EML4: variants seen among roughly 807,000 people sequenced by gnomAD.
EML4 encodes the protein EMAP like 4, also known as echinoderm microtubule-associated protein-like 4.
Under a neutral mutation model 129.0 loss-of-function variants are expected in EML4, and 72 were observed. That is an observed-to-expected ratio of 0.56 (90% confidence interval 0.46 to 0.68). EML4 has a LOEUF of 0.68. Ranked by LOEUF, EML4 falls within the 30% of genes least tolerant of loss-of-function variation. The pLI, the probability that EML4 is intolerant of heterozygous loss-of-function variation, is 0.00. For synonymous variants in EML4, 532 were observed against 405.0 expected, an observed-to-expected ratio of 1.31 and a Z score of -3.77; for missense variants, 1,363 against 1,190.6, an observed-to-expected ratio of 1.14 and a Z score of -2.13.
At chr2:42,213,971 T>TA (rs1441378165) in intron 1 of EML4, among the ~76,000 whole-genome samples, 1 of 152,202 alleles carries the variant, frequency 6.6e-6, no homozygotes, top group African/African-American at 2.4e-5. Context: ...GAGTACCTAT[T>TA]ATGTGTGTAG....
At chr2:42,283,093 G>A in intron 8 of EML4, 121 bp downstream of exon 8, 1 of 934,320 alleles carries the variant, frequency 1.1e-6, no homozygotes, top group Non-Finnish European at 1.6e-6. Flanking sequence ...AAATATTATG[G>A]GTCATCTGTT....
At chr2:42,169,731 CG>C in intron 1 of EML4, 95 bp downstream of exon 1, 2 of 1,424,678 alleles carry the variant, frequency 1.4e-6, no homozygotes. Context: ...GCCTGCCCCT[CG>C]GGGTGGCAGC....
chr2:42,311,792 A>G (rs964798055), intron 17 of EML4, among the ~76,000 whole-genome samples: 6 of 152,256 alleles, frequency 3.9e-5, no homozygotes, highest in African/African-American at 1.4e-4. Context: ...CATTCTCAGA[A>G]GAAACATAAC....
intron 1 of EML4, among the ~76,000 whole-genome samples, chr2:42,197,264 A>G (rs1467840713): frequency 1.3e-5 from 2 of 152,106 alleles, no homozygotes; most frequent in African/African-American, 2.4e-5. Context: ...GGGTTTTGCC[A>G]TATTCCCAGG....
At chr2:42,169,965 C>G (rs938111441) in intron 1 of EML4, 2 of 288,956 alleles carry the variant, frequency 6.9e-6, no homozygotes, top group Non-Finnish European at 1.3e-5. Context: ...GCTCCCTCCA[C>G]TTACCCCCCT....
At chr2:42,305,105 G>T (rs995767384) in intron 17 of EML4, among the ~76,000 whole-genome samples, 9 of 151,938 alleles carry the variant, frequency 5.9e-5, no homozygotes, top group Admixed American at 2.0e-4. Context: ...AACAGAGCAA[G>T]ACTCCATCTC....
At chr2:42,192,152 G>T (rs1480095838) in intron 1 of EML4, among the ~76,000 whole-genome samples, 1 of 147,032 alleles carries the variant, frequency 6.8e-6, no homozygotes, top group Non-Finnish European at 1.5e-5. Context: ...AGTTTTGAAT[G>T]TAATTTCCCC....
intron 2 of EML4, among the ~76,000 whole-genome samples, chr2:42,251,613 C>T (rs1321918615): frequency 2.0e-5 from 3 of 152,040 alleles, no homozygotes; most frequent in African/African-American, 4.8e-5. Flanking sequence ...AAGACTGAAG[C>T]AAGAGTAATC....
At chr2:42,172,672 G>A (rs549673586) in intron 1 of EML4, among the ~76,000 whole-genome samples, 2 of 151,648 alleles carry the variant, frequency 1.3e-5, no homozygotes, top group Non-Finnish European at 2.9e-5. Context: ...TTTAAACTTA[G>A]GAGAGAAAAG....
intron 1 of EML4, among the ~76,000 whole-genome samples, chr2:42,244,414 T>C (rs1203458418): frequency 6.6e-6 from 1 of 152,166 alleles, no homozygotes; most frequent in Non-Finnish European, 1.5e-5. Context: ...GATGTTTCTA[T>C]ATGTTTGGAT....
At chr2:42,221,496 A>G (rs1366395416) in intron 1 of EML4, among the ~76,000 whole-genome samples, 3 of 148,320 alleles carry the variant, frequency 2.0e-5, no homozygotes, top group African/African-American at 2.5e-5. Context: ...TGCAGCCTCA[A>G]TGTCCCGGGC....
intron 1 of EML4, among the ~76,000 whole-genome samples, chr2:42,233,076 T>G (rs1674450501): frequency 6.6e-6 from 1 of 152,150 alleles, no homozygotes; most frequent in African/African-American, 2.4e-5. Flanking sequence ...TTCCAATGTC[T>G]TTTATCAGCT....
chr2:42,252,946 T>C (rs1385446353), intron 2 of EML4, among the ~76,000 whole-genome samples: 2 of 152,200 alleles, frequency 1.3e-5, no homozygotes, highest in Non-Finnish European at 2.9e-5. Context: ...TCCTTGAAGA[T>C]TTTGAATTCC....
chr2:42,178,687 A>C (rs992964052), intron 1 of EML4, among the ~76,000 whole-genome samples: 6 of 152,198 alleles, frequency 3.9e-5, no homozygotes, highest in Non-Finnish European at 8.8e-5. Context: ...TTTTATTTTT[A>C]AGCTGATCTG....
intron 1 of EML4, among the ~76,000 whole-genome samples, chr2:42,208,508 G>C (rs6544517): frequency 0.78 from 116,497 of 150,026 alleles, 46,087 homozygotes; most frequent in African/African-American, 0.92. Context: ...AATCTCGGCT[G>C]ATTGCAACCT....
intron 1 of EML4, among the ~76,000 whole-genome samples, chr2:42,214,437 G>A (rs1673061445): frequency 7.5e-6 from 1 of 133,836 alleles, no homozygotes; most frequent in Admixed American, 7.1e-5. Context: ...AGTTTACAGC[G>A]GATTTTTTTT....
chr2:42,312,314 A>G (rs1407891512), intron 17 of EML4, among the ~76,000 whole-genome samples: 2 of 152,080 alleles, frequency 1.3e-5, no homozygotes, highest in African/African-American at 4.8e-5. Context: ...TAACCTGAAA[A>G]ACTGGTTCAG....
chr2:42,194,009 A>G lies in EML4; in HGVS notation c.25+24373A>G, dbSNP rs534356303. On this transcript the variant is annotated intron_variant, in intron 1 of 22. Transcript: ENST00000318522. ...CTGCAGTCTTATTTTAAACTGTGTT[A>G]ACATTACTTTATTGTGAAATAGTTG... 1.6e-4 allele frequency among the ~76,000 whole-genome samples: 25 copies of G among 152,324 alleles called. No individual in the cohort carries two copies. In the South Asian group the frequency reaches 4.8e-3, roughly 29 times the overall value.
intron 1 of EML4, among the ~76,000 whole-genome samples, chr2:42,179,639 G>T (rs1479908831): frequency 6.6e-6 from 1 of 152,162 alleles, no homozygotes; most frequent in African/African-American, 2.4e-5. Context: ...GTCTCGCTCT[G>T]TCGCCCAGGC....
Sources: gnomAD v4.1 joint callset for allele counts (sites outside exome capture counted in the v4.1 genomes callset) on GRCh38, gnomAD v4.1.1 for gene constraint, MANE v1.5 for transcripts, NCBI Gene and HGNC (gene_info 2026-07-23, HGNC 2026-07-21) for gene names.